Variants in NEB observed in about 807,000 individuals in gnomAD.
NEB encodes the protein nebulin.
A neutral mutation model predicts 952.2 loss-of-function variants in NEB; 512 were observed. The ratio of observed to expected loss-of-function variants is 0.54; its 90% CI spans 0.50 to 0.58. NEB has a LOEUF of 0.58. Among genes scored for constraint, NEB ranks in the 20% least tolerant of loss-of-function variants. The pLI, the probability that NEB is intolerant of heterozygous loss-of-function variation, is 0.00. For missense variants in NEB, 8,428 were observed against 9,231.1 expected (o/e 0.91, Z 3.56); for synonymous variants, 2,900 against 3,149.8 (o/e 0.92, Z 2.66).
Position 151,576,148 on chromosome 2 carries a change from C to T in NEB, c.16908+3G>A, listed in dbSNP as rs1466370167. The T allele has an allele frequency of 6.3e-7, 1 of 1,580,536 alleles. No individual in the cohort carries two copies. The highest frequency in any genetic ancestry group is 1.2e-5 in the South Asian group (1 of 84,430). Reference sequence around the variant, plus strand: ...CAATTTTAATAGAGAAAAACTAACTCACAATACTAATATTTTCAGCATTTG... The same window carrying T: ...CAATTTTAATAGAGAAAAACTAACTTACAATACTAATATTTTCAGCATTTG... On this transcript the variant is annotated splice_donor_region_variant and intron_variant, in intron 106 of 181. Coordinates refer to ENST00000397345, the MANE Select transcript of NEB (RefSeq NM_001164508.2).
Position 151,697,383 on chromosome 2 carries a change from T to C in NEB, c.1332A>G (p.Ser444=), listed in dbSNP as rs775237828. ...TTTGAGCTGTGACTTTCATGCAGTG[T>C]GAATGGTATGGATCCTCGAAGCTGC... The part of the protein sequence containing the change: ...YVGSFEDPYH[S]HCMKVTAQNS... The change falls in exon 15 of 182, where the codon TCA becomes TCG. Residue 444 remains serine (S), a synonymous_variant. Coordinates refer to ENST00000397345, the MANE Select transcript of NEB (RefSeq NM_001164508.2). The C allele has an allele frequency of 6.2e-7, 1 of 1,613,996 alleles. No individual in the cohort carries two copies. The highest frequency in any genetic ancestry group is 8.5e-7 in the Non-Finnish European group (1 of 1,179,858).
At position 151,691,951 on chromosome 2, in the gene NEB, T is replaced by C. The variant is rs2099554352; in HGVS notation, c.2124A>G (p.Glu708=). 1 of 1,611,588 alleles carries C rather than the reference T, an allele frequency of 6.2e-7. No individual in the cohort carries two copies. Among genetic ancestry groups the C allele is most frequent in the Admixed American group, 1.7e-5 (1 of 59,658 alleles). ...AQNSDKSYKA[E]YEEDKGKCYF... Reference sequence around the variant, plus strand: ...AGCATTTTCCTTTATCTTCTTCATATTCTGCTTTGTAACTTTTCTATAATG... The same window carrying C: ...AGCATTTTCCTTTATCTTCTTCATACTCTGCTTTGTAACTTTTCTATAATG... Residue 708 remains glutamate, a synonymous_variant, in exon 23 of 182, where the codon GAA becomes GAG. Coordinates refer to ENST00000397345, the MANE Select transcript of NEB (RefSeq NM_001164508.2).
At position 151,687,622 on chromosome 2, in the gene NEB, T is replaced by A. The variant is rs777353714; in HGVS notation, c.2523+4A>T. The A allele has an allele frequency of 6.2e-7, 1 of 1,613,238 alleles. No individual in the cohort carries two copies. The highest frequency in any genetic ancestry group is 1.7e-5 in the Admixed American group (1 of 59,858). On this transcript the variant is annotated splice_donor_region_variant and intron_variant, in intron 26 of 181. Coordinates refer to ENST00000397345, the MANE Select transcript of NEB (RefSeq NM_001164508.2). ...AGGTCCCCAGGTCCCCAGGCCACAC[T>A]CACATCGCTGGTGTTCTTGGTGTTG...
At position 151,492,179 on chromosome 2, in the gene NEB, C is replaced by T. The variant is rs1333586284; in HGVS notation, c.24976G>A (p.Asp8326Asn). 2 of 1,613,946 alleles carry T rather than the reference C, an allele frequency of 1.2e-6. No homozygotes were observed. The highest frequency in any genetic ancestry group is 1.7e-6 in the Non-Finnish European group (2 of 1,179,866). ...RVKKNMQDFS[D>N]INYRGIQRKV... is the part of the protein sequence containing the mutation. ...CTCTGAATACCTCGGTAGTTAATGT[C>T]ACTGAAGTCCTGCATGTTCTTCTTT... The change falls in exon 178 of 182, where the codon GAC becomes AAC. Residue 8326 changes from aspartate (D) to asparagine (N), a missense_variant. By Grantham distance (23) the Asp-to-Asn change is conservative. Around this residue, in one of 11 missense-constraint regions of NEB, gnomAD observed 3,374 missense variants for 3,651.5 expected, o/e 0.92. Coordinates refer to ENST00000397345, the MANE Select transcript of NEB (RefSeq NM_001164508.2).
At chr2:151,635,068 A>C (rs2098731321) in intron 64 of NEB, among the ~76,000 whole-genome samples, 1 of 152,174 alleles carries the variant, frequency 6.6e-6, no homozygotes. Context: ...CCCACTCACT[A>C]GGAGTTTGAT....
In NEB at chr2:151,549,707, T is replaced by C. The variant is rs1027633106; in HGVS notation, c.19978A>G (p.Thr6660Ala). 4 of 1,597,060 alleles carry C rather than the reference T, an allele frequency of 2.5e-6. No homozygotes were observed. The highest frequency in any genetic ancestry group is 8.5e-7 in the Non-Finnish European group (1 of 1,171,248). The change falls in exon 130 of 182, where the codon ACT (threonine) becomes GCT (alanine). Residue 6660 changes from threonine (T) to alanine (A), a missense_variant. By Grantham distance (58) the Thr-to-Ala change is moderately conservative. Transcript: ENST00000397345. ...LYKTSLRTLP[T>A]GYRLPGDTPH... Reference sequence around the variant, plus strand: ...GTGTCACCTGGAAGTCTATATCCAGTGGGCAGGGTGCGCAGGCTGGTTTTG... The same window carrying C: ...GTGTCACCTGGAAGTCTATATCCAGCGGGCAGGGTGCGCAGGCTGGTTTTG...
rs750007608 is a variant in NEB at position 151,524,508 on chromosome 2, C to T, written c.22374+7G>A. The T allele has an allele frequency of 1.2e-6, 2 of 1,613,854 alleles. No homozygotes were observed. Among genetic ancestry groups the T allele is most frequent in the South Asian group, 1.1e-5 (1 of 91,080 alleles). ...GGGGACTGGGGACATTTTCATGACA[C>T]CCTTACCTCACTGGCCTGTTTGGCT... On this transcript the variant is annotated splice_region_variant and intron_variant, in intron 152 of 181. Coordinates refer to ENST00000397345, the MANE Select transcript of NEB (RefSeq NM_001164508.2).
intron 36 of NEB, among the ~76,000 whole-genome samples, chr2:151,673,764 C>G (rs2099328995): frequency 6.9e-6 from 1 of 144,794 alleles, no homozygotes; most frequent in South Asian, 2.2e-4. Flanking sequence ...GATGGAGTCT[C>G]CCTCTGTCGC....
intron 100 of NEB, among the ~76,000 whole-genome samples, chr2:151,584,103 G>A (rs1160074822): frequency 9.6e-5 from 4 of 41,624 alleles, no homozygotes; most frequent in African/African-American, 2.0e-4. Context: ...CATGTTTTTC[G>A]GTCAAAAATC....
At chr2:151,529,844 TG>T (rs1576417876) in intron 145 of NEB, among the ~76,000 whole-genome samples, 2 of 152,194 alleles carry the variant, frequency 1.3e-5, no homozygotes, top group East Asian at 3.9e-4. Context: ...ATATAATTTT[TG>T]TTTCTGTGCT....
chr2:151,523,089 A>G (rs934128142), intron 153 of NEB, among the ~76,000 whole-genome samples: 2 of 152,196 alleles, frequency 1.3e-5, no homozygotes, highest in South Asian at 4.1e-4. Flanking sequence ...TTTAAATTAT[A>G]ATGATATGAC....
chr2:151,611,529 C>T lies in NEB; in HGVS notation c.11805+657G>A, dbSNP rs542064000. Among the ~76,000 whole-genome samples the T allele has an allele frequency of 6.8e-4, 104 of 152,146 alleles. 1 individual carries two copies. Among genetic ancestry groups the T allele is most frequent in the Non-Finnish European group, 1.3e-3 (91 of 68,034 alleles). On this transcript the variant is annotated intron_variant, in intron 78 of 181. Coordinates refer to ENST00000397345, the MANE Select transcript of NEB (RefSeq NM_001164508.2). ...TATTTGTACTGAGCACTCAATTGTACTAGCCTAATGATTGGAAGGCTTCCA... is the reference window on the plus strand; with the variant it reads ...TATTTGTACTGAGCACTCAATTGTATTAGCCTAATGATTGGAAGGCTTCCA...
In NEB at chr2:151,643,462, T is replaced by C. The variant is rs2154115163; in HGVS notation, c.7957-109A>G. 12 of 931,250 alleles carry C rather than the reference T, an allele frequency of 1.3e-5. No individual in the cohort carries two copies. In the South Asian group the frequency reaches 2.1e-4, roughly 16 times the overall value. The allele number at this position is 931,250 out of a possible 1,614,324, so 57.7% of individuals were successfully genotyped here. A position where few individuals can be genotyped will look rare whatever the true frequency, so the allele number is the denominator to read the frequency against. ...CTAAATAAAAGTTCATATTATACTC[T>C]ATATTTTTAATACTTGAATTATTAG... On this transcript the variant is annotated intron_variant, in intron 57 of 181. Transcript: ENST00000397345.
chr2:151,692,194 G>C, intron 21 of NEB, 28 bp from the exon 22 acceptor site: 5 of 1,609,194 alleles, frequency 3.1e-6, no homozygotes, highest in Non-Finnish European at 4.3e-6. Context: ...TGTAATTCAA[G>C]TTAACAATCA....
rs148827640 is a variant in NEB, at chr2:151,696,509, T to C, written c.1569+128A>G. On this transcript the variant is annotated intron_variant, in intron 17 of 181. Transcript: ENST00000397345. ...AGAAATATATTTTTATACAAATGTA[T>C]ACTGTTTAAACTTGCTAATACTTAC... 4.1e-4 allele frequency: 276 copies of C among 666,266 alleles called. No homozygotes were observed. In the African/African-American group the frequency reaches 4.2e-3, roughly 10 times the overall value. 41.3% of individuals were successfully genotyped at this position (666,266 alleles called of 1,614,324 possible).
intron 36 of NEB, 130 bp from the exon 37 acceptor site, chr2:151,672,810 C>G: frequency 1.3e-6 from 1 of 763,060 alleles, no homozygotes. Flanking sequence ...CAAACCACAA[C>G]CCCCTCCAAA....
intron 168 of NEB, 66 bp downstream of exon 168, chr2:151,501,325 G>T: frequency 1.9e-6 from 2 of 1,053,890 alleles, no homozygotes; most frequent in South Asian, 1.4e-5. Flanking sequence ...GATGAACAGT[G>T]AGATGTTCTG....
At chr2:151,491,539 TAAC>T (rs2056653733) in intron 179 of NEB, 141 bp downstream of exon 179, 2 of 710,344 alleles carry the variant, frequency 2.8e-6, no homozygotes, top group Non-Finnish European at 4.8e-6. Flanking sequence ...GCTCACTAGT[TAAC>T]AAGGTATTTT....
intron 167 of NEB, among the ~76,000 whole-genome samples, chr2:151,502,029 G>C (rs762428980): frequency 1.3e-5 from 2 of 152,198 alleles, no homozygotes; most frequent in African/African-American, 2.4e-5. Flanking sequence ...GAATGAAAAT[G>C]TTTAAGAATG....
Sources: allele counts gnomAD v4.1 joint callset (sites outside exome capture counted in the v4.1 genomes callset), GRCh38; gene constraint gnomAD v4.1.1; regional missense constraint gnomAD v4.1.1; transcripts MANE v1.5; gene names NCBI Gene and HGNC (gene_info 2026-07-23, HGNC 2026-07-21).